Variants in SCN3B observed in about 807,000 individuals in gnomAD.
The protein encoded by SCN3B is sodium channel regulatory subunit beta-3.
A neutral mutation model predicts 25.4 loss-of-function variants in SCN3B; 11 were observed. That is an observed-to-expected ratio of 0.43 (90% confidence interval 0.27 to 0.72). The LOEUF is 0.72. Ranked by LOEUF, SCN3B falls within the 30% of genes least tolerant of loss-of-function variation. SCN3B has a pLI of 0.18. For synonymous variants in SCN3B, 109 were observed against 110.7 expected (o/e 0.99, Z 0.09); for missense variants, 218 against 278.3 (o/e 0.78, Z 1.54).
At position 123,642,565 on chromosome 11, in the gene SCN3B, T is replaced by C; in HGVS notation, c.326A>G (p.Asn109Ser). 6.2e-7 allele frequency: 1 copy of C among 1,613,376 alleles called. No homozygotes were observed. The highest frequency in any genetic ancestry group is 8.5e-7 in the Non-Finnish European group (1 of 1,179,666). ...GAGGCCAGAGTCGTTCAGAGTGACG[T>C]TGAGCACAGTGATGGACACGTCCTG... ...DLQDVSITVL[N>S]VTLNDSGLYT... Residue 109 changes from asparagine (N) to serine (S), a missense_variant, in exon 4 of 7, where the codon AAC (asparagine) becomes AGC (serine). Coordinates refer to ENST00000299333, the MANE Select transcript of SCN3B (RefSeq NM_001040151.2). This position sits in a 1 kb window ranked among gnomAD's most constrained non-coding sequence, Gnocchi z 4.3.
intron 5 of SCN3B, among the ~76,000 whole-genome samples, chr11:123,637,015 C>T (rs1955735291): frequency 6.6e-6 from 1 of 152,058 alleles, no homozygotes; most frequent in Admixed American, 6.6e-5. Context: ...CTTTATCAAA[C>T]ATTTCTAACT....
intron 5 of SCN3B, among the ~76,000 whole-genome samples, chr11:123,634,527 G>T (rs2137231506): frequency 6.6e-6 from 1 of 152,278 alleles, no homozygotes; most frequent in East Asian, 1.9e-4. Context: ...AATTGCTTGA[G>T]CCCAGGAGTT....
At chr11:123,635,834 A>C (rs1955718620) in intron 5 of SCN3B, among the ~76,000 whole-genome samples, 1 of 152,214 alleles carries the variant, frequency 6.6e-6, no homozygotes, top group African/African-American at 2.4e-5. Context: ...TTGTTTGCAA[A>C]CAAATAGAAG....
At chr11:123,653,147 A>C (rs1159443569) in intron 2 of SCN3B, among the ~76,000 whole-genome samples, 1 of 146,744 alleles carries the variant, frequency 6.8e-6, no homozygotes, top group African/African-American at 2.5e-5. Context: ...ACAAACAAAC[A>C]AACCAAAAAA....
At chr11:123,641,557 G>A (rs1955791878) in intron 4 of SCN3B, among the ~76,000 whole-genome samples, 1 of 152,142 alleles carries the variant, frequency 6.6e-6, no homozygotes, top group Non-Finnish European at 1.5e-5. Flanking sequence ...ACTTTGGCCT[G>A]CTCACTAGCA....
chr11:123,638,393 T>C (rs1955753425), intron 4 of SCN3B, 69 bp from the exon 5 acceptor site: 1 of 1,594,934 alleles, frequency 6.3e-7, no homozygotes, highest in Admixed American at 1.7e-5. Context: ...TGGAGCCATA[T>C]TTTTAAGTAC....
intron 2 of SCN3B, among the ~76,000 whole-genome samples, chr11:123,651,961 T>C (rs939963266): frequency 6.6e-6 from 1 of 152,176 alleles, no homozygotes; most frequent in African/African-American, 2.4e-5. Context: ...AGGAACCAGA[T>C]AGCACTTTAA....
chr11:123,634,311 T>G, intron 5 of SCN3B, 105 bp from the exon 6 acceptor site: 4 of 859,458 alleles, frequency 4.7e-6, no homozygotes, highest in Non-Finnish European at 7.8e-6. Context: ...AGAACAGCTC[T>G]GCATTTCCTT....
intron 1 of SCN3B, 69 bp from the exon 2 acceptor site, chr11:123,653,895 C>A: frequency 7.0e-7 from 1 of 1,429,046 alleles, no homozygotes; most frequent in Non-Finnish European, 9.9e-7. Flanking sequence ...CCCTTTGGGA[C>A]GAACTGCCCC....
In SCN3B at chr11:123,633,241, G is replaced by A. The variant is rs1955691842; in HGVS notation, c.*558C>T. On this transcript the variant is annotated 3_prime_UTR_variant, in exon 7 of 7. Transcript: ENST00000299333. Reference sequence around the variant, plus strand: ...CATGCTTCAGGATCTTTCTGTCACTGGAGAACCTAGACAGGCGTGCTTCAC... The same window carrying A: ...CATGCTTCAGGATCTTTCTGTCACTAGAGAACCTAGACAGGCGTGCTTCAC... 2 of 152,210 alleles carry A rather than the reference G, an allele frequency of 1.3e-5. No homozygotes were observed. Among genetic ancestry groups the A allele is most frequent in the Non-Finnish European group, 2.9e-5 (2 of 68,046 alleles). The allele number at this position is 152,210 out of a possible 1,614,324, so 9.4% of individuals were successfully genotyped here.
In SCN3B at chr11:123,640,587, T is replaced by A. The variant is rs578153561; in HGVS notation, c.445+1859A>T. On this transcript the variant is annotated intron_variant, in intron 4 of 6. Coordinates refer to ENST00000299333, the MANE Select transcript of SCN3B (RefSeq NM_001040151.2). ...GAAAGAAACAGTGGAAAGCAAGCCC[T>A]CCAGACAGGCGAACAATCTGGATTT... 7 of 152,276 alleles carry A rather than the reference T, an allele frequency of 4.6e-5. No homozygotes were observed. The South Asian group carries it at 1.0e-3, about 23-fold the overall frequency. The allele number at this position is 152,276 out of a possible 1,614,324, so 9.4% of individuals were successfully genotyped here.
Position 123,630,993 on chromosome 11 carries a change from CT to C in SCN3B, c.*2805del. The stretch of plus-strand genomic sequence containing the variant: ...GTAAAGCTACTTAACCTCAGAGACC[CT>C]CAGTTTCTTCTTTTGTAATGTGACC... On this transcript the variant is annotated 3_prime_UTR_variant, in exon 7 of 7. Transcript: ENST00000299333. 1 of 152,300 alleles carries C rather than the reference CT, an allele frequency of 6.6e-6. No individual in the cohort carries two copies. The highest frequency in any genetic ancestry group is 3.4e-3 in the Middle Eastern group (1 of 294). 9.4% of individuals were successfully genotyped at this position (152,300 alleles called of 1,614,324 possible). A position where few individuals can be genotyped will look rare whatever the true frequency, so the allele number is the denominator to read the frequency against.
chr11:123,652,499 T>G lies in SCN3B; in HGVS notation c.55+1248A>C, dbSNP rs538550342. On this transcript the variant is annotated intron_variant, in intron 2 of 6. Transcript: ENST00000299333. ...TAGTCCTGGAGGCTTGAAAAAGTAA[T>G]ACTAAAGCAAAGAGGCAGCTCCCAT... is the stretch of plus-strand genomic sequence containing the variant. Among the ~76,000 whole-genome samples, 5 of 152,198 alleles carry G rather than the reference T, an allele frequency of 3.3e-5. No homozygotes were observed. The South Asian group carries it at 1.0e-3, about 32-fold the overall frequency.
intron 2 of SCN3B, among the ~76,000 whole-genome samples, chr11:123,649,642 T>C (rs565750407): frequency 6.6e-6 from 1 of 151,670 alleles, no homozygotes; most frequent in Non-Finnish European, 1.5e-5. Context: ...TCTTTCTTTT[T>C]TTTCTTTCTT....
intron 3 of SCN3B, among the ~76,000 whole-genome samples, chr11:123,644,543 G>T (rs1357597458): frequency 6.6e-6 from 1 of 152,074 alleles, no homozygotes; most frequent in Non-Finnish European, 1.5e-5. Context: ...AGGCCGAGGT[G>T]GGTGGATCAC....
chr11:123,646,098 C>T (rs906259470), intron 2 of SCN3B, among the ~76,000 whole-genome samples: 2 of 152,270 alleles, frequency 1.3e-5, no homozygotes, highest in South Asian at 4.1e-4. Flanking sequence ...AGCAACCATC[C>T]ATCCCCCTTC....
intron 5 of SCN3B, among the ~76,000 whole-genome samples, chr11:123,635,093 A>G (rs1955710319): frequency 6.6e-6 from 1 of 152,174 alleles, no homozygotes; most frequent in Non-Finnish European, 1.5e-5. Context: ...CCTTAATGGA[A>G]TTTTCAAGTT....
rs551959606 is a variant in SCN3B at position 123,649,086 on chromosome 11, G to A, written c.56-3336C>T. Among the ~76,000 whole-genome samples, 16 of 152,344 alleles carry A rather than the reference G, an allele frequency of 1.1e-4. No homozygotes were observed. In the East Asian group the frequency reaches 2.7e-3, roughly 26 times the overall value. On this transcript the variant is annotated intron_variant, in intron 2 of 6. Coordinates refer to ENST00000299333, the MANE Select transcript of SCN3B (RefSeq NM_001040151.2). ...CAAAACAGTTAAGAGGTCTGGTACA[G>A]GGATCGGATTGGAAGACGATTTTGT...
At chr11:123,650,719 AG>A (rs1320680101) in intron 2 of SCN3B, among the ~76,000 whole-genome samples, 8 of 152,200 alleles carry the variant, frequency 5.3e-5, no homozygotes, top group Middle Eastern at 3.2e-3. Flanking sequence ...GAGAGGTGCT[AG>A]AAGGAGCACT....
Sources: allele counts gnomAD v4.1 joint callset (sites outside exome capture counted in the v4.1 genomes callset), GRCh38; gene constraint gnomAD v4.1.1; non-coding constraint Gnocchi (gnomAD v3.1); transcripts MANE v1.5; gene names NCBI Gene and HGNC (gene_info 2026-07-23, HGNC 2026-07-21).